Variants in ABCC1 observed in about 807,000 individuals in gnomAD.
ABCC1 encodes multidrug resistance-associated protein 1.
A neutral mutation model predicts 172.9 loss-of-function variants in ABCC1; 83 were observed. That is an observed-to-expected ratio of 0.48 (90% CI 0.40 to 0.58). ABCC1 has a LOEUF of 0.58. Among genes scored for constraint, ABCC1 ranks in the 20% least tolerant of loss-of-function variants. The probability of loss-of-function intolerance (pLI) is 0.00; values close to 1 mark genes in which losing one functional copy is unlikely to be tolerated. For synonymous variants in ABCC1, 937 were observed against 825.2 expected (o/e 1.14, Z -2.32); for missense variants, 1,817 against 2,002.7 (o/e 0.91, Z 1.77).
intron 1 of ABCC1, among the ~76,000 whole-genome samples, chr16:15,959,788 G>T (rs1435841772): frequency 6.6e-6 from 1 of 152,186 alleles, no homozygotes; most frequent in Non-Finnish European, 1.5e-5. Context: ...TGGAAAGTGG[G>T]TGTTAATGAC....
At chr16:16,130,027 C>T (rs1054444478) in intron 26 of ABCC1, among the ~76,000 whole-genome samples, 2 of 152,244 alleles carry the variant, frequency 1.3e-5, no homozygotes, top group Non-Finnish European at 2.9e-5. Flanking sequence ...GAACCTGGCC[C>T]AGGCCATATC....
At chr16:16,132,507 G>GTTTTT (rs1379143382) in intron 27 of ABCC1, among the ~76,000 whole-genome samples, 1 of 75,066 alleles carries the variant, frequency 1.3e-5, no homozygotes, top group Non-Finnish European at 2.8e-5. Context: ...TTTTTGGTTG[G>GTTTTT]TTGTTTTTTT....
chr16:16,010,233 T>G (rs1331723082), intron 3 of ABCC1, among the ~76,000 whole-genome samples: 3 of 151,828 alleles, frequency 2.0e-5, no homozygotes, highest in Non-Finnish European at 4.4e-5. Flanking sequence ...TTTAAATTTT[T>G]CTGTAGAAAT....
chr16:15,967,772 AC>A lies in ABCC1; in HGVS notation c.48+17974del, dbSNP rs386419083. Among the ~76,000 whole-genome samples, 1,020 of 134,422 alleles carry A rather than the reference AC, an allele frequency of 7.6e-3. 11 individuals carry two copies. The highest frequency in any genetic ancestry group is 0.027 in the African/African-American group (969 of 36,432). The allele number at this position is 134,422 out of a possible 152,430, so 88.2% of individuals were successfully genotyped here. ...GGCACTGTCTCCAAAAAAAAAAAAA[AC>A]AACAAAAAAAAAACTTGTTTAACTA... On this transcript the variant is annotated intron_variant, in intron 1 of 30. Coordinates refer to ENST00000399410, the MANE Select transcript of ABCC1 (RefSeq NM_004996.4).
At chr16:16,017,507 C>A (rs1043762573) in intron 5 of ABCC1, among the ~76,000 whole-genome samples, 8 of 152,132 alleles carry the variant, frequency 5.3e-5, no homozygotes, top group African/African-American at 1.9e-4. Context: ...CACAGATCAA[C>A]CCATCATCTA....
intron 1 of ABCC1, among the ~76,000 whole-genome samples, chr16:15,998,495 G>GT (rs1182495586): frequency 1.3e-5 from 2 of 152,154 alleles, no homozygotes; most frequent in East Asian, 3.9e-4. Flanking sequence ...GGTGATGTGG[G>GT]GGTGGATGGC....
chr16:16,077,707 C>T (rs138384574), intron 15 of ABCC1, among the ~76,000 whole-genome samples: 18 of 152,272 alleles, frequency 1.2e-4, no homozygotes, highest in African/African-American at 3.9e-4. Context: ...GTGACAGCAA[C>T]GACTATCAGC....
chr16:15,957,942 CT>C (rs1171727776), intron 1 of ABCC1, among the ~76,000 whole-genome samples: 1 of 152,126 alleles, frequency 6.6e-6, no homozygotes, highest in African/African-American at 2.4e-5. Flanking sequence ...GGATTTCTGG[CT>C]TCCCTTGAAA....
chr16:16,065,513 A>T (rs2050078089), intron 12 of ABCC1, among the ~76,000 whole-genome samples: 1 of 148,188 alleles, frequency 6.7e-6, no homozygotes, highest in Non-Finnish European at 1.5e-5. Flanking sequence ...GCTCACTGCA[A>T]CCTCCACCTC....
chr16:16,078,099 A>G (rs1489013728), intron 15 of ABCC1, among the ~76,000 whole-genome samples: 1 of 152,252 alleles, frequency 6.6e-6, no homozygotes, highest in African/African-American at 2.4e-5. Flanking sequence ...CACAGGTTTC[A>G]GTGAGCCAAG....
At chr16:15,972,716 A>G (rs1206404128) in intron 1 of ABCC1, among the ~76,000 whole-genome samples, 2 of 151,502 alleles carry the variant, frequency 1.3e-5, no homozygotes, top group African/African-American at 2.4e-5. Context: ...ATGCTTCTCT[A>G]GGAGGAAACA....
At chr16:15,984,796 A>G (rs556159322) in intron 1 of ABCC1, among the ~76,000 whole-genome samples, 1 of 152,308 alleles carries the variant, frequency 6.6e-6, no homozygotes, top group South Asian at 2.1e-4. Flanking sequence ...ACACACATAT[A>G]TATTTTTTAA....
intron 1 of ABCC1, among the ~76,000 whole-genome samples, chr16:15,967,184 G>A (rs1256787540): frequency 1.3e-5 from 2 of 152,168 alleles, no homozygotes; most frequent in African/African-American, 4.8e-5. Flanking sequence ...TGGGGATGGG[G>A]TGGAGGAGGC....
intron 23 of ABCC1, among the ~76,000 whole-genome samples, chr16:16,121,332 C>A (rs921141814): frequency 3.9e-5 from 6 of 152,186 alleles, no homozygotes; most frequent in African/African-American, 1.4e-4. Flanking sequence ...ATGAGCCACC[C>A]CACCTGGCCG....
At chr16:16,073,601 A>G (rs1567374079) in intron 14 of ABCC1, among the ~76,000 whole-genome samples, 1 of 152,186 alleles carries the variant, frequency 6.6e-6, no homozygotes, top group Non-Finnish European at 1.5e-5. Context: ...CGTCTCTACA[A>G]AAATTAAATT....
At chr16:15,958,977 C>T (rs998276037) in intron 1 of ABCC1, among the ~76,000 whole-genome samples, 3 of 152,204 alleles carry the variant, frequency 2.0e-5, no homozygotes, top group African/African-American at 7.2e-5. Flanking sequence ...GTTGTGACAA[C>T]CGAAAATGCC....
chr16:15,969,924 C>A (rs74011340), intron 1 of ABCC1, among the ~76,000 whole-genome samples: 1 of 152,122 alleles, frequency 6.6e-6, no homozygotes, highest in Non-Finnish European at 1.5e-5. Flanking sequence ...GCATGGTTCC[C>A]TGCCTTCCTT....
At chr16:16,093,276 GT>G (rs1469562543) in intron 19 of ABCC1, among the ~76,000 whole-genome samples, 1 of 151,960 alleles carries the variant, frequency 6.6e-6, no homozygotes, top group Non-Finnish European at 1.5e-5. Context: ...AAATGTGTGG[GT>G]TTAGCTGAAT....
chr16:15,970,903 A>C (rs1464759471), intron 1 of ABCC1, among the ~76,000 whole-genome samples: 5 of 152,230 alleles, frequency 3.3e-5, no homozygotes, highest in Middle Eastern at 3.2e-3. Context: ...CCTTCAACTC[A>C]GTCCCTAAAG....
Sources: gnomAD v4.1 joint callset for allele counts (sites outside exome capture counted in the v4.1 genomes callset) on GRCh38, gnomAD v4.1.1 for gene constraint, MANE v1.5 for transcripts, NCBI Gene and HGNC (gene_info 2026-07-23, HGNC 2026-07-21) for gene names.